Variants in TSPAN14 observed in about 807,000 individuals in gnomAD.
TSPAN14 encodes tetraspanin-14.
In TSPAN14, 16 loss-of-function variants were observed where a neutral mutation model predicts 36.6. The ratio of observed to expected loss-of-function variants is 0.44; its 90% CI spans 0.30 to 0.66. The LOEUF (loss-of-function observed/expected upper bound fraction) is 0.66, where lower values mean the gene tolerates loss of function less well. Ranked by LOEUF, TSPAN14 falls within the 30% of genes least tolerant of loss-of-function variation. The pLI, the probability that TSPAN14 is intolerant of heterozygous loss-of-function variation, is 0.12. For synonymous variants in TSPAN14, 139 were observed against 143.8 expected, an observed-to-expected ratio of 0.97 and a Z score of 0.24; for missense variants, 231 against 355.1, an observed-to-expected ratio of 0.65 and a Z score of 2.81.
intron 2 of TSPAN14, among the ~76,000 whole-genome samples, chr10:80,503,590 C>A (rs1318031227): frequency 7.2e-5 from 11 of 151,890 alleles, no homozygotes; most frequent in Non-Finnish European, 1.5e-5. Flanking sequence ...AGCTGTGACC[C>A]CTCTAAAATT....
intron 1 of TSPAN14, among the ~76,000 whole-genome samples, chr10:80,476,420 T>G (rs868616116): frequency 0.016 from 2,234 of 143,796 alleles, 61 homozygotes; most frequent in African/African-American, 0.053. Context: ...TTTTTTTTTT[T>G]TTTTTTTTTT....
intron 2 of TSPAN14, among the ~76,000 whole-genome samples, chr10:80,495,489 A>G (rs905539985): frequency 1.3e-5 from 2 of 152,166 alleles, no homozygotes; most frequent in African/African-American, 2.4e-5. Flanking sequence ...TGATGCCTGC[A>G]TGGCCTCAGC....
At chr10:80,470,997 G>C (rs1241279418) in intron 1 of TSPAN14, among the ~76,000 whole-genome samples, 2 of 152,200 alleles carry the variant, frequency 1.3e-5, no homozygotes, top group Non-Finnish European at 2.9e-5. Flanking sequence ...GGAGCTTCTA[G>C]ATGTGCTGCC....
chr10:80,479,030 C>G (rs923677248), intron 1 of TSPAN14, among the ~76,000 whole-genome samples: 5 of 149,720 alleles, frequency 3.3e-5, no homozygotes, highest in Non-Finnish European at 7.6e-5. Context: ...ATTTGCATTT[C>G]TCTGATGGCC....
At chr10:80,492,944 CT>C (rs1848003229) in intron 2 of TSPAN14, among the ~76,000 whole-genome samples, 1 of 152,130 alleles carries the variant, frequency 6.6e-6, no homozygotes, top group African/African-American at 2.4e-5. Flanking sequence ...TTAAAACCTG[CT>C]TGGGATAAGA....
rs989823882 is a variant in TSPAN14, at chr10:80,505,297, CG to C, written c.132+522del. ...GGAGTGGAGACCTGGCTCCTACTGTCGGGAAGGACATGGTGCAGTTGCGGCT... is the reference window on the plus strand; with the variant it reads ...GGAGTGGAGACCTGGCTCCTACTGTCGGAAGGACATGGTGCAGTTGCGGCT... On this transcript the variant is annotated intron_variant, in intron 3 of 8. Transcript: ENST00000429989. Among the ~76,000 whole-genome samples, 80 of 152,180 alleles carry C rather than the reference CG, an allele frequency of 5.3e-4. 1 individual carries two copies. The highest frequency in any genetic ancestry group is 1.7e-3 in the African/African-American group (71 of 41,524).
intron 1 of TSPAN14, among the ~76,000 whole-genome samples, chr10:80,471,222 C>T (rs1231262019): frequency 6.6e-6 from 1 of 152,032 alleles, no homozygotes; most frequent in Non-Finnish European, 1.5e-5. Context: ...TGCAGCAGTG[C>T]CCTGAACATG....
chr10:80,501,958 A>G (rs1848546240), intron 2 of TSPAN14, among the ~76,000 whole-genome samples: 1 of 152,214 alleles, frequency 6.6e-6, no homozygotes, highest in South Asian at 2.1e-4. Flanking sequence ...AGAAGGGCTT[A>G]GCTGGGGAGA....
Position 80,467,750 on chromosome 10 carries a change from C to T in TSPAN14, c.-18+13379C>T, listed in dbSNP as rs150091208. On this transcript the variant is annotated intron_variant, in intron 1 of 8. Transcript: ENST00000429989. ...ATGCCTGTAGTTTTCAAGTGGAAAC[C>T]GAGCCACCCTGAGCCCAAACACACA... Among the ~76,000 whole-genome samples, 280 of 152,178 alleles carry T rather than the reference C, an allele frequency of 1.8e-3. 1 individual carries two copies. Among genetic ancestry groups the T allele is most frequent in the African/African-American group, 6.5e-3 (268 of 41,506 alleles).
chr10:80,501,221 C>G (rs981221925), intron 2 of TSPAN14, among the ~76,000 whole-genome samples: 2 of 151,758 alleles, frequency 1.3e-5, no homozygotes, highest in South Asian at 2.1e-4. Context: ...GTCCTCCCAC[C>G]TCGGCCTCCC....
chr10:80,481,947 GT>G (rs1847302857), intron 1 of TSPAN14, among the ~76,000 whole-genome samples: 2 of 152,224 alleles, frequency 1.3e-5, no homozygotes, highest in African/African-American at 4.8e-5. Context: ...TAGAGATGGG[GT>G]TTTACCATGT....
At chr10:80,470,708 AGTTT>A (rs1207586511) in intron 1 of TSPAN14, among the ~76,000 whole-genome samples, 1 of 152,222 alleles carries the variant, frequency 6.6e-6, no homozygotes, top group East Asian at 1.9e-4. Flanking sequence ...ATTGGAGCAA[AGTTT>A]GTTTCTCCCC....
chr10:80,512,871 TTTGTTGTTG>T (rs147443704), intron 6 of TSPAN14, among the ~76,000 whole-genome samples: 2,395 of 150,416 alleles, frequency 0.016, 86 homozygotes, highest in African/African-American at 0.055. Context: ...TTATTTTCTG[TTTGTTGTTG>T]TTGTTGTTGT....
chr10:80,480,124 G>C (rs528226747), intron 1 of TSPAN14, among the ~76,000 whole-genome samples: 238 of 151,452 alleles, frequency 1.6e-3, no homozygotes, highest in Non-Finnish European at 2.6e-3. Flanking sequence ...GAATGCTTGT[G>C]ATTTTTGTAC....
Position 80,473,685 on chromosome 10 carries a change from G to GT in TSPAN14, c.-17-15516dup, listed in dbSNP as rs1352695254. 8.8e-3 allele frequency among the ~76,000 whole-genome samples: 1,155 copies of GT among 130,996 alleles called. 14 individuals carry two copies. The highest frequency in any genetic ancestry group is 0.023 in the African/African-American group (813 of 34,668). The allele number at this position is 130,996 out of a possible 152,430, so 85.9% of individuals were successfully genotyped here. ...TGAGCGGTTGCTGCCACCATGATGG[G>GT]TTTTTTTTTTTTTTTTAAATTAAAG... On this transcript the variant is annotated intron_variant, in intron 1 of 8. Coordinates refer to ENST00000429989, the Ensembl canonical transcript of TSPAN14.
chr10:80,479,627 C>G (rs1368633629), intron 1 of TSPAN14, among the ~76,000 whole-genome samples: 5 of 152,036 alleles, frequency 3.3e-5, no homozygotes, highest in Non-Finnish European at 7.4e-5. Context: ...ATTTCTGAGG[C>G]CTCTGTTCTG....
chr10:80,465,424 T>C (rs1225612668), intron 1 of TSPAN14, among the ~76,000 whole-genome samples: 1 of 152,196 alleles, frequency 6.6e-6, no homozygotes, highest in East Asian at 1.9e-4. Context: ...AATCTCAGGC[T>C]GGCAGTGGGC....
rs542990844 is a variant in TSPAN14 at position 80,460,520 on chromosome 10, G to C, written c.-18+6149G>C. Among the ~76,000 whole-genome samples the C allele has an allele frequency of 7.2e-5, 11 of 152,272 alleles. No homozygotes were observed. In the South Asian group the frequency reaches 2.3e-3, roughly 32 times the overall value. ...AGTATCCCGTGGTTGGCAGTGTCCT[G>C]TCCATTCTTCTTGCACTGGCCTGTC... is the stretch of plus-strand genomic sequence containing the variant. On this transcript the variant is annotated intron_variant, in intron 1 of 8. Coordinates refer to ENST00000429989, the Ensembl canonical transcript of TSPAN14.
chr10:80,504,561 C>T (rs1840183472), intron 2 of TSPAN14, among the ~76,000 whole-genome samples, 167 bp from the exon 3 acceptor site: 1 of 152,204 alleles, frequency 6.6e-6, no homozygotes, highest in Non-Finnish European at 1.5e-5. Context: ...TCCAGATATT[C>T]AGGAAGGTAG....
Sources: gnomAD v4.1 joint callset for allele counts (sites outside exome capture counted in the v4.1 genomes callset) on GRCh38, gnomAD v4.1.1 for gene constraint, MANE v1.5 for transcripts, NCBI Gene and HGNC (gene_info 2026-07-23, HGNC 2026-07-21) for gene names.